Variants in PAM observed in about 807,000 individuals in gnomAD.
The protein encoded by PAM is peptidyl-glycine alpha-amidating monooxygenase.
In PAM, 72 loss-of-function variants were observed where a neutral mutation model predicts 122.1. The ratio of observed to expected loss-of-function variants is 0.59; its 90% confidence interval spans 0.49 to 0.72. The LOEUF is 0.72. PAM is among the 30% of genes least tolerant of loss of function. The pLI is 0.00. For synonymous variants in PAM, 389 were observed against 404.4 expected (o/e 0.96, Z 0.46); for missense variants, 1,106 against 1,183.7 (o/e 0.93, Z 0.96).
chr5:102,839,048 G>A lies in PAM; in HGVS notation c.-373-26775G>A, dbSNP rs116868918. On this transcript the variant is annotated intron_variant, in intron 1 of 25. Coordinates refer to ENST00000438793, the MANE Select transcript of PAM (RefSeq NM_001177306.2). ...GGAGATATATCATACACACAGATGC[G>A]TATATAAAGCTTAGACAGCTTAAAC... 7.2e-4 allele frequency among the ~76,000 whole-genome samples: 109 copies of A among 152,114 alleles called. 2 individuals carry two copies. The East Asian group carries it at 8.9e-3, about 12-fold the overall frequency.
At chr5:102,969,904 G>A (rs934821993) in intron 14 of PAM, among the ~76,000 whole-genome samples, 2 of 152,110 alleles carry the variant, frequency 1.3e-5, no homozygotes, top group African/African-American at 4.8e-5. Context: ...GGGGAAAAAT[G>A]TTTCAGGGAC....
chr5:102,786,553 A>G (rs1760601280), intron 1 of PAM, among the ~76,000 whole-genome samples: 1 of 152,174 alleles, frequency 6.6e-6, no homozygotes, highest in Admixed American at 6.6e-5. Flanking sequence ...GAATGATTAT[A>G]AACTAGTGAT....
chr5:102,786,239 C>T (rs964230345), intron 1 of PAM, among the ~76,000 whole-genome samples: 1 of 152,160 alleles, frequency 6.6e-6, no homozygotes, highest in African/African-American at 2.4e-5. Context: ...GCTCTGTCCA[C>T]ATGTAGAAGG....
Position 102,912,066 on chromosome 5 carries a change from C to T in PAM, c.269-1868C>T, listed in dbSNP as rs912146416. Among the ~76,000 whole-genome samples, 4 of 152,140 alleles carry T rather than the reference C, an allele frequency of 2.6e-5. No individual in the cohort carries two copies. In the South Asian group the frequency reaches 8.3e-4, roughly 32 times the overall value. ...TGGATACTTCCACCTGAATTTTTAG[C>T]GGGTGCTTGAAACATTGTTTTGCAT... On this transcript the variant is annotated intron_variant, in intron 4 of 25. Coordinates refer to ENST00000438793, the MANE Select transcript of PAM (RefSeq NM_001177306.2).
chr5:102,981,460 G>A (rs1422891720), intron 15 of PAM, among the ~76,000 whole-genome samples: 1 of 152,200 alleles, frequency 6.6e-6, no homozygotes, highest in African/African-American at 2.4e-5. Context: ...TCTGCTATGG[G>A]TGAAAAGGTA....
intron 16 of PAM, among the ~76,000 whole-genome samples, chr5:102,994,639 T>C (rs992934594): frequency 1.3e-5 from 2 of 152,196 alleles, no homozygotes; most frequent in African/African-American, 2.4e-5. Flanking sequence ...TTGTAATCTA[T>C]GAAAATCTCC....
intron 4 of PAM, among the ~76,000 whole-genome samples, chr5:102,912,259 TA>T (rs1444450842): frequency 6.6e-6 from 1 of 151,932 alleles, no homozygotes; most frequent in Non-Finnish European, 1.5e-5. Context: ...AGGGGTCAGA[TA>T]ACCTCTCATG....
intron 1 of PAM, among the ~76,000 whole-genome samples, chr5:102,779,886 C>CATATATATATATATATATAT (rs767088116): frequency 2.5e-5 from 2 of 81,052 alleles, no homozygotes; most frequent in South Asian, 4.7e-4. Flanking sequence ...CTCCCATATA[C>CATATATATATATATATATAT]ATATATATAT....
chr5:102,930,565 A>G (rs1751136150), intron 7 of PAM, among the ~76,000 whole-genome samples: 1 of 152,224 alleles, frequency 6.6e-6, no homozygotes, highest in Admixed American at 6.5e-5. Flanking sequence ...TGCATAGGGA[A>G]AAGTGGCAAG....
At chr5:103,002,610 TAAAATA>T (rs1777741242) in intron 16 of PAM, among the ~76,000 whole-genome samples, 1 of 152,180 alleles carries the variant, frequency 6.6e-6, no homozygotes. Flanking sequence ...ATGACAAAGT[TAAAATA>T]AGTCATATTT....
At chr5:103,004,457 C>G (rs537752290) in intron 17 of PAM, among the ~76,000 whole-genome samples, 2 of 152,274 alleles carry the variant, frequency 1.3e-5, no homozygotes, top group Non-Finnish European at 2.9e-5. Context: ...CAACACTACA[C>G]TAAGATTAGA....
Position 102,755,310 on chromosome 5 carries a change from C to G in PAM, c.-412C>G, listed in dbSNP as rs1367815329. 6.6e-6 allele frequency: 1 copy of G among 152,166 alleles called. No homozygotes were observed. Among genetic ancestry groups the G allele is most frequent in the Non-Finnish European group, 1.5e-5 (1 of 68,218 alleles). The allele number at this position is 152,166 out of a possible 1,614,324, so 9.4% of individuals were successfully genotyped here. A position where few individuals can be genotyped will look rare whatever the true frequency, so the allele number is the denominator to read the frequency against. On this transcript the variant is annotated 5_prime_UTR_variant, in exon 1 of 26. Transcript: ENST00000438793. ...CGCCCGCCGCTCCGCCGCCCGCAGG[C>G]TCCGGCTTCCGTCCCGGACAGAGCC... is the stretch of plus-strand genomic sequence containing the variant.
chr5:103,007,192 T>TACACACACACACACACACACACACACAC (rs56140031), intron 19 of PAM, among the ~76,000 whole-genome samples, 181 bp downstream of exon 19: 3 of 141,570 alleles, frequency 2.1e-5, no homozygotes, highest in African/African-American at 7.7e-5. Flanking sequence ...CACATATACA[T>TACACACACACACACACACACACACACAC]ACACACACAC....
chr5:102,993,862 C>A (rs957038496), intron 16 of PAM, among the ~76,000 whole-genome samples: 2 of 152,110 alleles, frequency 1.3e-5, no homozygotes, highest in Non-Finnish European at 2.9e-5. Flanking sequence ...GTCTTTATAG[C>A]ATTCCTTCGT....
chr5:102,847,980 G>C lies in PAM; in HGVS notation c.-373-17843G>C, dbSNP rs577620397. Reference sequence around the variant, plus strand: ...AAAAACACTGGTTTTTGAGGATTCTGTTCCAAGTAGCCTTCATGATCTTCC... The same window carrying C: ...AAAAACACTGGTTTTTGAGGATTCTCTTCCAAGTAGCCTTCATGATCTTCC... On this transcript the variant is annotated intron_variant, in intron 1 of 25. Transcript: ENST00000438793. Among the ~76,000 whole-genome samples the C allele has an allele frequency of 9.2e-5, 14 of 152,302 alleles. No individual in the cohort carries two copies. In the South Asian group the frequency reaches 2.5e-3, roughly 27 times the overall value.
At chr5:102,918,211 T>C (rs1746121312) in intron 5 of PAM, among the ~76,000 whole-genome samples, 1 of 152,164 alleles carries the variant, frequency 6.6e-6, no homozygotes, top group Non-Finnish European at 1.5e-5. Flanking sequence ...CAATGCCTTC[T>C]TCCCAGGCGT....
chr5:102,924,300 G>C (rs1561902258), intron 5 of PAM, among the ~76,000 whole-genome samples: 1 of 151,930 alleles, frequency 6.6e-6, no homozygotes, highest in Non-Finnish European at 1.5e-5. Flanking sequence ...GGGCATGGTG[G>C]TGGGCACCTG....
chr5:102,853,469 T>G (rs975416071), intron 1 of PAM, among the ~76,000 whole-genome samples: 4 of 152,160 alleles, frequency 2.6e-5, no homozygotes, highest in African/African-American at 4.8e-5. Context: ...ATGAAATATA[T>G]ATAGGTTCAG....
intron 7 of PAM, among the ~76,000 whole-genome samples, chr5:102,937,297 C>T (rs1318039354): frequency 1.3e-5 from 2 of 151,970 alleles, no homozygotes; most frequent in Non-Finnish European, 2.9e-5. Context: ...CATTTTTTTA[C>T]ATTTTTTATT....
Sources: allele counts gnomAD v4.1 joint callset (sites outside exome capture counted in the v4.1 genomes callset), GRCh38; gene constraint gnomAD v4.1.1; transcripts MANE v1.5; gene names NCBI Gene and HGNC (gene_info 2026-07-23, HGNC 2026-07-21).